Variants in ASIC2 observed in about 807,000 individuals in gnomAD.
ASIC2 encodes the protein acid-sensing ion channel 2.
Under a neutral mutation model 57.3 loss-of-function variants are expected in ASIC2, and 25 were observed. That is an observed-to-expected ratio of 0.44 (90% CI 0.32 to 0.61). The LOEUF (loss-of-function observed/expected upper bound fraction) is 0.61, where lower values mean the gene tolerates loss of function less well. Ranked by LOEUF, ASIC2 falls within the 20% of genes least tolerant of loss-of-function variation. ASIC2 has a pLI of 0.06. For missense variants in ASIC2, 641 were observed against 738.1 expected, an observed-to-expected ratio of 0.87 and a Z score of 1.52; for synonymous variants, 319 against 307.5, an observed-to-expected ratio of 1.04 and a Z score of -0.39.
chr17:33,523,367 G>T (rs62055345), intron 1 of ASIC2, among the ~76,000 whole-genome samples: 33,200 of 151,932 alleles, frequency 0.22, 4,639 homozygotes, highest in Non-Finnish European at 0.31. Context: ...AGCAATTCTC[G>T]TGCCTCAGCC....
intron 1 of ASIC2, among the ~76,000 whole-genome samples, chr17:33,896,791 T>C (rs994472698): frequency 6.6e-6 from 1 of 152,226 alleles, no homozygotes; most frequent in African/African-American, 2.4e-5. Flanking sequence ...ATTCACACTG[T>C]CTCCTGTGTC....
chr17:33,217,302 G>A (rs929745564), intron 1 of ASIC2, among the ~76,000 whole-genome samples: 19 of 152,204 alleles, frequency 1.2e-4, no homozygotes, highest in African/African-American at 4.6e-4. Context: ...TCTCAGGGAT[G>A]TAAGGCTGAA....
At chr17:33,510,206 T>C (rs989541307) in intron 1 of ASIC2, among the ~76,000 whole-genome samples, 1 of 152,204 alleles carries the variant, frequency 6.6e-6, no homozygotes, top group African/African-American at 2.4e-5. Context: ...CTCTAACTGA[T>C]GACCTGTGAG....
intron 1 of ASIC2, among the ~76,000 whole-genome samples, chr17:33,427,750 C>T (rs756144602): frequency 3.9e-5 from 6 of 152,184 alleles, no homozygotes; most frequent in Admixed American, 1.3e-4. Context: ...TGGAGCTAGC[C>T]TTGAAAATGG....
At chr17:33,832,083 T>C (rs775249440) in intron 1 of ASIC2, among the ~76,000 whole-genome samples, 3 of 152,234 alleles carry the variant, frequency 2.0e-5, no homozygotes, top group Admixed American at 6.5e-5. Flanking sequence ...GAGTTATTTC[T>C]TATCATCACC....
At chr17:33,194,638 C>G (rs985537116) in intron 1 of ASIC2, among the ~76,000 whole-genome samples, 1 of 150,408 alleles carries the variant, frequency 6.6e-6, no homozygotes, top group Non-Finnish European at 1.5e-5. Context: ...ATTACATTTC[C>G]AGATTGGGAT....
chr17:33,687,555 G>A (rs1484877555), intron 1 of ASIC2, among the ~76,000 whole-genome samples: 1 of 152,152 alleles, frequency 6.6e-6, no homozygotes, highest in Non-Finnish European at 1.5e-5. Flanking sequence ...GAGAAGATGG[G>A]GGCTCTTAGA....
chr17:33,055,012 C>T (rs2091992387), intron 3 of ASIC2, among the ~76,000 whole-genome samples: 1 of 152,220 alleles, frequency 6.6e-6, no homozygotes, highest in African/African-American at 2.4e-5. Context: ...CCCATGTCAG[C>T]TCCTGGGTCA....
intron 2 of ASIC2, among the ~76,000 whole-genome samples, chr17:33,095,358 C>T (rs1364579612): frequency 6.6e-6 from 1 of 152,196 alleles, no homozygotes; most frequent in Non-Finnish European, 1.5e-5. Flanking sequence ...TAGTACTTAC[C>T]ATGTTCACAC....
intron 1 of ASIC2, among the ~76,000 whole-genome samples, chr17:33,210,588 C>T (rs563304767): frequency 5.0e-4 from 76 of 152,274 alleles, no homozygotes; most frequent in African/African-American, 1.8e-3. Flanking sequence ...TGCAATTCCC[C>T]ACCATCTCTA....
At chr17:33,615,187 G>T (rs916650690) in intron 1 of ASIC2, among the ~76,000 whole-genome samples, 2 of 152,136 alleles carry the variant, frequency 1.3e-5, no homozygotes, top group Non-Finnish European at 2.9e-5. Flanking sequence ...CTATGGAATG[G>T]CCATTTCTAT....
chr17:33,297,830 A>ATAAG (rs1175077843), upstream of ASIC2, among the ~76,000 whole-genome samples: 8 of 116,040 alleles, frequency 6.9e-5, no homozygotes, highest in African/African-American at 2.6e-4. Flanking sequence ...CTCAAAATAA[A>ATAAG]TAAATAAATA....
At chr17:33,550,993 G>A (rs752472870) in intron 1 of ASIC2, among the ~76,000 whole-genome samples, 1 of 152,114 alleles carries the variant, frequency 6.6e-6, no homozygotes, top group Non-Finnish European at 1.5e-5. Flanking sequence ...AAGAAATTTG[G>A]ACTTTGTTCT....
At chr17:33,261,029 C>T (rs1018946390) in intron 1 of ASIC2, among the ~76,000 whole-genome samples, 2 of 152,240 alleles carry the variant, frequency 1.3e-5, no homozygotes, top group African/African-American at 2.4e-5. Flanking sequence ...CCTTGCGCTC[C>T]TGATTTGACT....
At chr17:33,020,127 C>A (rs1004935939) in intron 7 of ASIC2, among the ~76,000 whole-genome samples, 1 of 152,102 alleles carries the variant, frequency 6.6e-6, no homozygotes, top group Non-Finnish European at 1.5e-5. Flanking sequence ...AGTCCCCAGC[C>A]TCCTGGAGAA....
intron 1 of ASIC2, among the ~76,000 whole-genome samples, chr17:33,225,653 A>T (rs1200364756): frequency 1.3e-5 from 2 of 152,190 alleles, no homozygotes; most frequent in Non-Finnish European, 2.9e-5. Flanking sequence ...CAGCTCAGAA[A>T]GTGAAAAGGG....
chr17:33,581,347 G>C (rs538668325), intron 1 of ASIC2: 2 of 152,170 alleles, frequency 1.3e-5, no homozygotes, highest in Non-Finnish European at 2.9e-5. Context: ...TGAGTGATCC[G>C]GAAGTGGATT....
In ASIC2 at chr17:34,028,460, A is replaced by G. The variant is rs139970309; in HGVS notation, c.555+127518T>C. 4.1e-4 allele frequency among the ~76,000 whole-genome samples: 63 copies of G among 152,310 alleles called. No homozygotes were observed. In the East Asian group the frequency reaches 9.8e-3, roughly 24 times the overall value. The stretch of plus-strand genomic sequence containing the variant: ...GACACAAACCTGAGCTCCACACTCA[A>G]ATGAGTGTGTAGTCTGGTTGGTGTA... On this transcript the variant is annotated intron_variant, in intron 1 of 9. Transcript: ENST00000359872.
intron 1 of ASIC2, among the ~76,000 whole-genome samples, chr17:34,108,284 A>G (rs965099338): frequency 1.3e-5 from 2 of 152,050 alleles, no homozygotes; most frequent in African/African-American, 2.4e-5. Context: ...CTGTTCATGC[A>G]TTTTTTTATA....
Sources: allele counts gnomAD v4.1 joint callset (sites outside exome capture counted in the v4.1 genomes callset), GRCh38; gene constraint gnomAD v4.1.1; transcripts MANE v1.5; gene names NCBI Gene and HGNC (gene_info 2026-07-23, HGNC 2026-07-21).